Variants in EMC3 observed in about 807,000 individuals in gnomAD.
The protein encoded by EMC3 is ER membrane protein complex subunit 3, also known as 30 kDa protein.
Under a neutral mutation model 36.6 loss-of-function variants are expected in EMC3, and 13 were observed. That is an observed-to-expected ratio of 0.35 (90% confidence interval 0.23 to 0.56). The LOEUF is 0.56. Ranked by LOEUF, EMC3 falls within the 20% of genes least tolerant of loss-of-function variation. The pLI, the probability that EMC3 is intolerant of heterozygous loss-of-function variation, is 0.84. For missense variants in EMC3, 220 were observed against 324.5 expected (o/e 0.68, Z 2.47); for synonymous variants, 120 against 111.9 (o/e 1.07, Z -0.46).
intron 1 of EMC3, among the ~76,000 whole-genome samples, chr3:9,983,781 G>C (rs1001041513): frequency 6.6e-6 from 1 of 152,166 alleles, no homozygotes; most frequent in African/African-American, 2.4e-5. Flanking sequence ...CTCTAATAGT[G>C]AACCATGGGC....
chr3:9,983,498 C>A (rs1279934134), intron 1 of EMC3, among the ~76,000 whole-genome samples: 3 of 152,092 alleles, frequency 2.0e-5, no homozygotes, highest in African/African-American at 7.2e-5. Flanking sequence ...ATGGCTCACA[C>A]CCTGTCTCTA....
At chr3:9,974,522 T>G in intron 3 of EMC3, 34 bp from the exon 4 acceptor site, 1 of 1,413,148 alleles carries the variant, frequency 7.1e-7, no homozygotes, top group Non-Finnish European at 1.0e-6. Flanking sequence ...AACCACTAAG[T>G]TTTACCTCTG....
intron 1 of EMC3, among the ~76,000 whole-genome samples, chr3:9,995,473 C>T (rs1340962171): frequency 6.7e-6 from 1 of 149,688 alleles, no homozygotes; most frequent in Admixed American, 6.8e-5. Flanking sequence ...TCCTAAATCT[C>T]CTGAAGCCAG....
At chr3:10,003,370 G>T (rs372114985) in intron 1 of EMC3, 47 of 369,742 alleles carry the variant, frequency 1.3e-4, no homozygotes, top group Non-Finnish European at 2.2e-4. Flanking sequence ...CGAAAAGGAG[G>T]AATAAGATGA....
chr3:9,997,292 G>T (rs527647286), intron 1 of EMC3, among the ~76,000 whole-genome samples: 1 of 149,852 alleles, frequency 6.7e-6, no homozygotes, highest in East Asian at 2.0e-4. Flanking sequence ...GGATGGTCTC[G>T]ATCTCCTGAC....
At chr3:9,995,870 A>G (rs1435989292) in intron 1 of EMC3, among the ~76,000 whole-genome samples, 1 of 151,978 alleles carries the variant, frequency 6.6e-6, no homozygotes, top group African/African-American at 2.4e-5. Flanking sequence ...AAAAAAAAAA[A>G]GCAAATGATA....
At chr3:9,985,218 C>T (rs1021157713) in intron 1 of EMC3, among the ~76,000 whole-genome samples, 2 of 152,082 alleles carry the variant, frequency 1.3e-5, no homozygotes, top group Non-Finnish European at 2.9e-5. Flanking sequence ...AATGGAAATC[C>T]AGTATTGTCA....
At chr3:10,001,583 A>T (rs571869380) in intron 1 of EMC3, among the ~76,000 whole-genome samples, 3 of 151,550 alleles carry the variant, frequency 2.0e-5, no homozygotes, top group Non-Finnish European at 4.4e-5. Context: ...GTCTCAAAAA[A>T]AAAAACAATT....
At chr3:9,976,334 A>T (rs1242130965) in intron 3 of EMC3, among the ~76,000 whole-genome samples, 5 of 152,100 alleles carry the variant, frequency 3.3e-5, no homozygotes, top group Non-Finnish European at 7.4e-5. Context: ...TGAACTCCTG[A>T]CCTCAGGCAA....
upstream of EMC3, among the ~76,000 whole-genome samples, chr3:9,991,364 T>A (rs1425212848): frequency 2.0e-5 from 3 of 152,336 alleles, no homozygotes; most frequent in South Asian, 2.1e-4. Flanking sequence ...CTGCTCTCTT[T>A]CCCATTCCTC....
In EMC3 at chr3:9,970,715, C is replaced by T. The variant is rs568109502; in HGVS notation, c.495-54G>A. ...TTAGTTATTATATCAGAGAGTAATG[C>T]AGTTCCCACTTCCCTACCACCCAAA... is the stretch of plus-strand genomic sequence containing the variant. On this transcript the variant is annotated intron_variant, in intron 5 of 7. Coordinates refer to ENST00000245046, the MANE Select transcript of EMC3 (RefSeq NM_001394674.1). 442 of 1,570,056 alleles carry T rather than the reference C, an allele frequency of 2.8e-4. 7 individuals are homozygous for T. In the South Asian group the frequency reaches 4.7e-3, roughly 17 times the overall value.
At chr3:9,998,339 C>T (rs544789710) in intron 1 of EMC3, among the ~76,000 whole-genome samples, 40 of 146,762 alleles carry the variant, frequency 2.7e-4, no homozygotes, top group Admixed American at 1.4e-3. Context: ...GCACTCCAGC[C>T]GGGGCAACAG....
chr3:9,993,522 C>T (rs2086081561), intron 1 of EMC3, among the ~76,000 whole-genome samples: 1 of 151,460 alleles, frequency 6.6e-6, no homozygotes, highest in Admixed American at 6.6e-5. Context: ...TAATGTTTGT[C>T]TTATTTCATC....
chr3:9,975,429 T>C (rs1272512020), intron 3 of EMC3, among the ~76,000 whole-genome samples: 1 of 151,750 alleles, frequency 6.6e-6, no homozygotes, highest in African/African-American at 2.4e-5. Context: ...CCGCCAATGG[T>C]GAGGGAGCCT....
intron 1 of EMC3, among the ~76,000 whole-genome samples, chr3:9,982,808 C>A (rs1345204427): frequency 1.3e-5 from 2 of 151,634 alleles, no homozygotes; most frequent in African/African-American, 4.8e-5. Context: ...GATCCTTGAG[C>A]CTGAGATGTT....
At chr3:10,009,764 CCT>C (rs1190841642) in intron 1 of EMC3, 1 of 152,302 alleles carries the variant, frequency 6.6e-6, no homozygotes, top group Non-Finnish European at 1.5e-5. Context: ...GCCCACGCCC[CCT>C]GTCTGGCTGC....
chr3:9,978,278 T>C (rs972500709), intron 1 of EMC3: 11 of 147,226 alleles, frequency 7.5e-5, no homozygotes, highest in African/African-American at 2.2e-4. Flanking sequence ...GAGGTTGCAA[T>C]GAGCTGAGAT....
At chr3:9,972,482 A>G (rs942441012) in intron 5 of EMC3, among the ~76,000 whole-genome samples, 5 of 129,266 alleles carry the variant, frequency 3.9e-5, no homozygotes, top group Admixed American at 1.5e-4. Flanking sequence ...AAAAAAAAAA[A>G]AACTCTGGCC....
At chr3:9,977,180 G>T (rs923331945) in intron 2 of EMC3, 130 bp from the exon 3 acceptor site, 18 of 874,256 alleles carry the variant, frequency 2.1e-5, no homozygotes, top group Non-Finnish European at 3.0e-5. Flanking sequence ...CAGCCTACTT[G>T]GCAGGCGACC....
Sources: gnomAD v4.1 joint callset for allele counts (sites outside exome capture counted in the v4.1 genomes callset) on GRCh38, gnomAD v4.1.1 for gene constraint, MANE v1.5 for transcripts, NCBI Gene and HGNC (gene_info 2026-07-23, HGNC 2026-07-21) for gene names.